The following TCF12 variants were observed in gnomAD, a reference collection of about 807,000 sequenced individuals.
TCF12 encodes DNA-binding protein HTF4.
Under a neutral mutation model 86.0 loss-of-function variants are expected in TCF12, and 45 were observed. The observed-to-expected ratio is 0.52, with a 90% CI of 0.41 to 0.67. The LOEUF is 0.67. Among genes scored for constraint, TCF12 ranks in the 30% least tolerant of loss-of-function variants. The pLI is 0.00. For synonymous variants in TCF12, 330 were observed against 299.6 expected (o/e 1.10, Z -1.05); for missense variants, 881 against 859.9 (o/e 1.02, Z -0.31).
chr15:57,022,916 T>G (rs1267501737), intron 3 of TCF12, among the ~76,000 whole-genome samples: 1 of 152,182 alleles, frequency 6.6e-6, no homozygotes, highest in African/African-American at 2.4e-5. Flanking sequence ...TAATGAGATT[T>G]CTGAATTGAA....
intron 6 of TCF12, among the ~76,000 whole-genome samples, chr15:57,175,037 A>C (rs2055807233): frequency 6.6e-6 from 1 of 152,246 alleles, no homozygotes; most frequent in African/African-American, 2.4e-5. Flanking sequence ...GGTAAGCCAC[A>C]GTCTAGAAGT....
intron 3 of TCF12, among the ~76,000 whole-genome samples, chr15:56,936,420 C>G (rs1171501827): frequency 6.6e-6 from 1 of 152,066 alleles, no homozygotes; most frequent in African/African-American, 2.4e-5. Context: ...TTTTCTTGCA[C>G]TCTGTGTGTT....
In TCF12 at chr15:57,063,037, C is replaced by G. The variant is rs117039749; in HGVS notation, c.149-713C>G. ...AATGGAGCCCAAGTGTCAGAAGATG[C>G]ATTAAGGATGCACAATAAATTGTTT... On this transcript the variant is annotated intron_variant, in intron 3 of 20. Coordinates refer to ENST00000333725, the MANE Select transcript of TCF12 (RefSeq NM_207037.2). 8.0e-3 allele frequency among the ~76,000 whole-genome samples: 1,225 copies of G among 152,264 alleles called. 11 individuals are homozygous for G. Among genetic ancestry groups the G allele is most frequent in the Non-Finnish European group, 0.014 (925 of 68,010 alleles).
intron 8 of TCF12, among the ~76,000 whole-genome samples, chr15:57,205,050 C>T (rs1267094279): frequency 2.0e-5 from 3 of 152,234 alleles, no homozygotes; most frequent in East Asian, 3.9e-4. Context: ...CAGTGGCTCT[C>T]ACCTATAATC....
chr15:57,218,542 A>G (rs2058430275), intron 8 of TCF12, among the ~76,000 whole-genome samples: 1 of 152,240 alleles, frequency 6.6e-6, no homozygotes, highest in South Asian at 2.1e-4. Flanking sequence ...TGTGAGCATT[A>G]GCATAAAAAT....
chr15:56,976,389 C>T (rs1343007105), intron 3 of TCF12, among the ~76,000 whole-genome samples: 7 of 146,156 alleles, frequency 4.8e-5, no homozygotes, highest in African/African-American at 1.7e-4. Flanking sequence ...CGCTACCACG[C>T]CTGGCTAATT....
At chr15:57,031,653 A>G (rs1175613504) in intron 3 of TCF12, among the ~76,000 whole-genome samples, 1 of 152,202 alleles carries the variant, frequency 6.6e-6, no homozygotes, top group Admixed American at 6.5e-5. Flanking sequence ...GAGAAAGAAC[A>G]TCAGATTTCA....
chr15:56,990,250 C>CGTGTGT (rs748684847), intron 3 of TCF12, among the ~76,000 whole-genome samples: 22 of 126,296 alleles, frequency 1.7e-4, no homozygotes, highest in African/African-American at 4.1e-4. Flanking sequence ...TCTGTGTGTG[C>CGTGTGT]GTGTGCGTGT....
chr15:57,196,439 G>A (rs2151735713), intron 7 of TCF12, among the ~76,000 whole-genome samples: 1 of 152,292 alleles, frequency 6.6e-6, no homozygotes, highest in Non-Finnish European at 1.5e-5. Context: ...CACTGATACT[G>A]AGGAATGATT....
At chr15:57,193,083 C>G (rs2057068690) in intron 7 of TCF12, among the ~76,000 whole-genome samples, 1 of 152,162 alleles carries the variant, frequency 6.6e-6, no homozygotes, top group Non-Finnish European at 1.5e-5. Context: ...ACATTCTCAT[C>G]TCATCAGTTC....
At chr15:57,235,635 G>A (rs2059349940) in intron 12 of TCF12, among the ~76,000 whole-genome samples, 1 of 152,162 alleles carries the variant, frequency 6.6e-6, no homozygotes, top group Non-Finnish European at 1.5e-5. Context: ...AACCTGTAAG[G>A]TCTCCAGGTA....
At chr15:57,083,209 A>G (rs1296820108) in intron 4 of TCF12, among the ~76,000 whole-genome samples, 2 of 152,228 alleles carry the variant, frequency 1.3e-5, no homozygotes, top group African/African-American at 4.8e-5. Context: ...GGTTTAAACT[A>G]TACTGGTAAT....
rs1246414247 is a variant in TCF12, at chr15:57,232,726, C to T, written c.840C>T (p.His280=). The T allele has an allele frequency of 6.2e-7, 1 of 1,611,890 alleles. No homozygotes were observed. Among genetic ancestry groups the T allele is most frequent in the Non-Finnish European group, 8.5e-7 (1 of 1,178,986 alleles). ...TTTCCATCTAGAGTTATCCTCCACA[C>T]TCAGTTTCACCAACAGACATAAACA... is the stretch of plus-strand genomic sequence containing the variant. The part of the protein sequence containing the change: ...HSHDRLSYPP[H]SVSPTDINTS... Residue 280 remains histidine, a synonymous_variant, in exon 11 of 21, where the codon CAC becomes CAT. Transcript: ENST00000333725.
intron 3 of TCF12, among the ~76,000 whole-genome samples, chr15:56,924,166 T>C (rs1469129670): frequency 6.6e-5 from 10 of 152,164 alleles, no homozygotes; most frequent in African/African-American, 2.4e-4. Flanking sequence ...TGTAAGAAAC[T>C]ATACAGAGAT....
chr15:57,193,974 T>C (rs1435217574), intron 7 of TCF12, among the ~76,000 whole-genome samples: 1 of 152,224 alleles, frequency 6.6e-6, no homozygotes, highest in Non-Finnish European at 1.5e-5. Context: ...CCTAATGAGT[T>C]AGTCAGAATA....
intron 8 of TCF12, chr15:57,219,503 TAACATTTTC>T: frequency 6.2e-7 from 1 of 1,609,800 alleles, no homozygotes; most frequent in Non-Finnish European, 8.5e-7. Context: ...CTACAAATAG[TAACATTTTC>T]AAAATCAACA....
At position 57,006,881 on chromosome 15, in the gene TCF12, A is replaced by G. The variant is rs186780948; in HGVS notation, c.149-56869A>G. On this transcript the variant is annotated intron_variant, in intron 3 of 20. Coordinates refer to ENST00000333725, the MANE Select transcript of TCF12 (RefSeq NM_207037.2). ...CAGTGAGCCGAGATCGCACCACTGC[A>G]CTTCAGCATGGGTGACAGAGTGAGA... Among the ~76,000 whole-genome samples the G allele has an allele frequency of 3.3e-5, 5 of 152,282 alleles. No individual in the cohort carries two copies. The East Asian group carries it at 7.7e-4, about 24-fold the overall frequency.
At chr15:56,931,389 C>G (rs914342747) in intron 3 of TCF12, among the ~76,000 whole-genome samples, 2 of 152,066 alleles carry the variant, frequency 1.3e-5, no homozygotes, top group Non-Finnish European at 2.9e-5. Context: ...GGGTAAAAAT[C>G]AGGAGTGTAG....
At chr15:57,003,257 GCTC>G (rs1290293211) in intron 3 of TCF12, among the ~76,000 whole-genome samples, 1 of 152,146 alleles carries the variant, frequency 6.6e-6, no homozygotes, top group Non-Finnish European at 1.5e-5. Flanking sequence ...CTGAACCACT[GCTC>G]CTAGGGGAAA....
Sources: allele counts gnomAD v4.1 joint callset (sites outside exome capture counted in the v4.1 genomes callset), GRCh38; gene constraint gnomAD v4.1.1; transcripts MANE v1.5; gene names NCBI Gene and HGNC (gene_info 2026-07-23, HGNC 2026-07-21).